The following IMMP2L variants were observed in gnomAD, a reference collection of about 807,000 sequenced individuals.
The protein encoded by IMMP2L is inner mitochondrial membrane peptidase subunit 2, also known as mitochondrial inner membrane protease subunit 2.
In IMMP2L, 18 loss-of-function variants were observed where a neutral mutation model predicts 19.3. The ratio of observed to expected loss-of-function variants is 0.93; its 90% CI spans 0.64 to 1.38. The LOEUF is 1.38. Ranked by LOEUF, IMMP2L falls within the 40% of genes most tolerant of loss-of-function variation. IMMP2L has a pLI of 0.00. For synonymous variants in IMMP2L, 76 were observed against 73.0 expected, an observed-to-expected ratio of 1.04 and a Z score of -0.21; for missense variants, 233 against 218.2, an observed-to-expected ratio of 1.07 and a Z score of -0.43.
At chr7:111,015,037 G>T (rs1265679400) in intron 3 of IMMP2L, among the ~76,000 whole-genome samples, 1 of 152,096 alleles carries the variant, frequency 6.6e-6, no homozygotes, top group African/African-American at 2.4e-5. Context: ...ATATGATTCA[G>T]CAATGCCATC....
At chr7:111,297,421 G>A (rs1242296014) in intron 3 of IMMP2L, among the ~76,000 whole-genome samples, 3 of 152,056 alleles carry the variant, frequency 2.0e-5, no homozygotes, top group Non-Finnish European at 4.4e-5. Context: ...TATTCCAAGT[G>A]TTGTCAAGAA....
chr7:111,112,609 T>C (rs1191475185), intron 3 of IMMP2L, among the ~76,000 whole-genome samples: 1 of 152,228 alleles, frequency 6.6e-6, no homozygotes, highest in Non-Finnish European at 1.5e-5. Context: ...AAAACTTTTT[T>C]GTATCCTCTG....
intron 3 of IMMP2L, among the ~76,000 whole-genome samples, chr7:111,345,821 G>A (rs1448305422): frequency 6.6e-6 from 1 of 152,092 alleles, no homozygotes; most frequent in Non-Finnish European, 1.5e-5. Flanking sequence ...CTCTGTTATG[G>A]AATTCTTCAT....
At chr7:111,015,426 T>A (rs964236681) in intron 3 of IMMP2L, among the ~76,000 whole-genome samples, 9 of 152,060 alleles carry the variant, frequency 5.9e-5, no homozygotes, top group East Asian at 1.9e-4. Flanking sequence ...GGAGCTTTTT[T>A]AAAATGGGCA....
chr7:110,920,213 G>A (rs890249153), intron 4 of IMMP2L, among the ~76,000 whole-genome samples: 2 of 152,118 alleles, frequency 1.3e-5, no homozygotes, highest in South Asian at 2.1e-4. Context: ...TTGTGATCAC[G>A]TGAGTCAATA....
At chr7:111,375,768 T>C (rs887234559) in intron 3 of IMMP2L, among the ~76,000 whole-genome samples, 3 of 152,044 alleles carry the variant, frequency 2.0e-5, no homozygotes, top group Non-Finnish European at 4.4e-5. Context: ...AAGTGATTCA[T>C]CTGCCTTGGC....
intron 4 of IMMP2L, among the ~76,000 whole-genome samples, chr7:110,952,835 T>G (rs993668845): frequency 6.6e-5 from 10 of 152,270 alleles, no homozygotes; most frequent in Admixed American, 1.3e-4. Flanking sequence ...GTGAGTTTAA[T>G]ATAAAAAATA....
At chr7:111,016,386 ATAT>A (rs1230223729) in intron 3 of IMMP2L, among the ~76,000 whole-genome samples, 2 of 141,756 alleles carry the variant, frequency 1.4e-5, no homozygotes, top group East Asian at 4.0e-4. Context: ...TATATGATAT[ATAT>A]TTTTATATAT....
intron 3 of IMMP2L, among the ~76,000 whole-genome samples, chr7:111,056,304 G>T (rs142374714): frequency 6.1e-4 from 93 of 152,260 alleles, no homozygotes; most frequent in Admixed American, 4.4e-3. Context: ...TGGCAATTTT[G>T]CTCAGTGATA....
At chr7:111,478,923 A>G (rs1236650027) in intron 3 of IMMP2L, among the ~76,000 whole-genome samples, 1 of 152,228 alleles carries the variant, frequency 6.6e-6, no homozygotes, top group Non-Finnish European at 1.5e-5. Flanking sequence ...GCTTCCAGCA[A>G]TGACAGACAG....
intron 4 of IMMP2L, among the ~76,000 whole-genome samples, chr7:110,929,297 T>C (rs1815214137): frequency 6.6e-6 from 1 of 152,146 alleles, no homozygotes; most frequent in Non-Finnish European, 1.5e-5. Flanking sequence ...TCATGAGAAG[T>C]TGCTTTCATC....
At chr7:110,683,001 C>T (rs995116668) in intron 5 of IMMP2L, among the ~76,000 whole-genome samples, 1 of 152,054 alleles carries the variant, frequency 6.6e-6, no homozygotes, top group Non-Finnish European at 1.5e-5. Context: ...AGAAGCATTG[C>T]TCTGCTTATA....
At chr7:110,986,067 A>C (rs1198153771) in intron 3 of IMMP2L, among the ~76,000 whole-genome samples, 1 of 152,102 alleles carries the variant, frequency 6.6e-6, no homozygotes, top group Non-Finnish European at 1.5e-5. Context: ...TAGTTTATTA[A>C]CTCTTTGAGG....
intron 5 of IMMP2L, among the ~76,000 whole-genome samples, chr7:110,713,344 G>T (rs1300021039): frequency 6.6e-6 from 1 of 152,168 alleles, no homozygotes; most frequent in Non-Finnish European, 1.5e-5. Context: ...CAGGTAATGT[G>T]ATGCGTCTGA....
At chr7:111,147,637 T>G (rs1423472290) in intron 3 of IMMP2L, among the ~76,000 whole-genome samples, 2 of 152,104 alleles carry the variant, frequency 1.3e-5, no homozygotes. Flanking sequence ...CTGAGTCCTC[T>G]GCTTCACTCT....
At chr7:111,263,215 G>A (rs549074274) in intron 3 of IMMP2L, among the ~76,000 whole-genome samples, 92 of 152,214 alleles carry the variant, frequency 6.0e-4, no homozygotes, top group Non-Finnish European at 1.0e-3. Context: ...ACAGAAATAA[G>A]GAGACTAGTT....
chr7:110,785,775 A>C (rs1370881471), intron 5 of IMMP2L, among the ~76,000 whole-genome samples: 1 of 151,964 alleles, frequency 6.6e-6, no homozygotes, highest in Non-Finnish European at 1.5e-5. Flanking sequence ...TAATTATTAC[A>C]AGTAAAAACC....
chr7:111,316,798 C>A (rs2130403033), intron 3 of IMMP2L, among the ~76,000 whole-genome samples: 1 of 149,662 alleles, frequency 6.7e-6, no homozygotes, highest in East Asian at 2.0e-4. Context: ...TCTGTCAAAT[C>A]TCACAACAAC....
At chr7:111,367,937 C>G (rs148103992) in intron 3 of IMMP2L, among the ~76,000 whole-genome samples, 258 of 151,758 alleles carry the variant, frequency 1.7e-3, no homozygotes, top group African/African-American at 5.1e-3. Context: ...AAAATAAAGA[C>G]TATCTTAGAT....
Sources: gnomAD v4.1 joint callset for allele counts (sites outside exome capture counted in the v4.1 genomes callset) on GRCh38, gnomAD v4.1.1 for gene constraint, MANE v1.5 for transcripts, NCBI Gene and HGNC (gene_info 2026-07-23, HGNC 2026-07-21) for gene names.